The following MYO15B variants were observed in gnomAD, a reference collection of about 807,000 sequenced individuals.
The protein encoded by MYO15B is myosin XVB pseudogene.
In MYO15B, 207 loss-of-function variants were observed where a neutral mutation model predicts 119.3. The ratio of observed to expected loss-of-function variants is 1.73; its 90% CI spans 1.55 to 1.95. The LOEUF is 1.95. Among genes scored for constraint, MYO15B ranks in the 30% most tolerant of loss-of-function variants. The pLI is 0.00. For missense variants in MYO15B, 2,264 were observed against 1,203.1 expected (o/e 1.88, Z -13.04); for synonymous variants, 966 against 498.9 (o/e 1.94, Z -12.48).
intron 21 of MYO15B, among the ~76,000 whole-genome samples, chr17:75,608,165 C>A (rs1162312503): frequency 6.6e-6 from 1 of 152,154 alleles, no homozygotes; most frequent in East Asian, 1.9e-4. Flanking sequence ...GTCACCCAGG[C>A]TGGAGTGCAG....
At chr17:75,591,176 A>G (rs147655466) in exon 4 of MYO15B, 14,841 of 702,742 alleles carry the variant, frequency 0.021, 218 homozygotes, top group Middle Eastern at 0.058. Context: ...CCTCAGACAC[A>G]TCTTTGCCAT....
At chr17:75,622,745 A>T (rs930969456) in intron 53 of MYO15B, among the ~76,000 whole-genome samples, 25 of 152,222 alleles carry the variant, frequency 1.6e-4, no homozygotes, top group African/African-American at 4.6e-4. Context: ...GAGCCAGCAG[A>T]GTGTGCTGAC....
At chr17:75,593,717 C>CG (rs1376289437) in intron 9 of MYO15B, among the ~76,000 whole-genome samples, 1 of 149,682 alleles carries the variant, frequency 6.7e-6, no homozygotes, top group Non-Finnish European at 1.5e-5. Context: ...GTCAGGAGTT[C>CG]GAGACCAGCC....
chr17:75,615,638 G>A lies in MYO15B; in HGVS notation c.5838+38G>A, dbSNP rs539371061. 14 of 670,260 alleles carry A rather than the reference G, an allele frequency of 2.1e-5. 1 individual carries two copies. Among genetic ancestry groups the A allele is most frequent in the Admixed American group, 4.3e-5 (2 of 46,916 alleles). The allele number at this position is 670,260 out of a possible 1,614,324, so 41.5% of individuals were successfully genotyped here. A position where few individuals can be genotyped will look rare whatever the true frequency, so the allele number is the denominator to read the frequency against. On this transcript the variant is annotated intron_variant, in intron 35 of 63. Transcript: ENST00000645453. ...AGGGCCCTGGGGCCACCTGGTGGAG[G>A]AGAGGTCTGTGGCTCGGGGATGAGG... is the stretch of plus-strand genomic sequence containing the variant.
rs1385369630 is a variant in MYO15B at position 75,603,273 on chromosome 17, A to C, written c.3977A>C (p.Asn1326Thr). ...GAGGCCGTGGGCACCCGCAGTGCCA[A>C]CTTCCCCGTGCGTGTGCCCTTTGAG... The change falls in exon 19 of 64, where the codon AAC (asparagine) becomes ACC (threonine). Residue 1326 changes from asparagine (N) to threonine (T), a missense_variant. By Grantham distance (65) the Asn-to-Thr change is moderately conservative. Coordinates refer to ENST00000645453, the Ensembl canonical transcript of MYO15B. 5.7e-6 allele frequency: 4 copies of C among 703,062 alleles called. 1 individual carries two copies. Among genetic ancestry groups the C allele is most frequent in the Middle Eastern group, 2.3e-4 (1 of 4,370 alleles). 43.6% of individuals were successfully genotyped at this position (703,062 alleles called of 1,614,324 possible).
rs1392976572 is a variant in MYO15B, at chr17:75,589,879, A to T, written c.1822A>T (p.Thr608Ser). 5.0e-6 allele frequency: 2 copies of T among 398,426 alleles called. No homozygotes were observed. Among genetic ancestry groups the T allele is most frequent in the South Asian group, 1.3e-4 (1 of 7,874 alleles). 24.7% of individuals were successfully genotyped at this position (398,426 alleles called of 1,614,324 possible). A position where few individuals can be genotyped will look rare whatever the true frequency, so the allele number is the denominator to read the frequency against. The change falls in exon 1 of 64, where the codon ACT (threonine) becomes TCT (serine). Residue 608 changes from threonine (T) to serine (S), a missense_variant. By Grantham distance (58) the Thr-to-Ser change is moderately conservative. Coordinates refer to ENST00000645453, the Ensembl canonical transcript of MYO15B. The surrounding 1 kb of genome is among the most constrained non-coding windows in gnomAD (Gnocchi z 4.2). ...TCGTCGCGGCTCCCTCCTTGCCCCGACTGCACCCGACGGGCCTTCCCTCGA... is the reference window on the plus strand; with the variant it reads ...TCGTCGCGGCTCCCTCCTTGCCCCGTCTGCACCCGACGGGCCTTCCCTCGA...
At chr17:75,592,248 G>A (rs947340700) in exon 7 of MYO15B, 17 of 702,752 alleles carry the variant, frequency 2.4e-5, no homozygotes, top group East Asian at 2.4e-4. Flanking sequence ...AGGGGTCATC[G>A]TGGGAGCCTC....
intron 19 of MYO15B, among the ~76,000 whole-genome samples, chr17:75,604,985 A>G (rs971093609): frequency 1.5e-4 from 23 of 151,920 alleles, no homozygotes; most frequent in African/African-American, 5.6e-4. Context: ...TAAAAATACA[A>G]AATCAGCTGG....
intron 9 of MYO15B, among the ~76,000 whole-genome samples, chr17:75,594,143 G>GCA (rs1163914592): frequency 0.052 from 7,881 of 151,124 alleles, 682 homozygotes; most frequent in African/African-American, 0.18. Context: ...TATGTACCTG[G>GCA]GTACTGTGTA....
rs1466677891 is a variant in MYO15B at position 75,594,833 on chromosome 17, C to T, written c.3165-7C>T. The T allele has an allele frequency of 2.8e-6, 2 of 702,992 alleles. No individual in the cohort carries two copies. Among genetic ancestry groups the T allele is most frequent in the East Asian group, 5.4e-5 (2 of 37,292 alleles). 43.5% of individuals were successfully genotyped at this position (702,992 alleles called of 1,614,324 possible). ...CTATGTGGCTCACCCACCCGCCATG[C>T]CTACAGGGACGCCCTGGCCAAGGCA... is the stretch of plus-strand genomic sequence containing the variant. On this transcript the variant is annotated splice_polypyrimidine_tract_variant and splice_region_variant and intron_variant, in intron 11 of 63. Coordinates refer to ENST00000645453, the Ensembl canonical transcript of MYO15B.
exon 29 of MYO15B, chr17:75,613,738 C>T (rs1260593132): frequency 5.7e-6 from 4 of 702,400 alleles, no homozygotes; most frequent in South Asian, 4.4e-5. Context: ...GAGTCTTGGA[C>T]CACCGGGGAG....
intron 37 of MYO15B, 56 bp downstream of exon 37, chr17:75,616,203 C>CG: frequency 1.8e-6 from 1 of 571,394 alleles, no homozygotes; most frequent in Non-Finnish European, 3.1e-6. Flanking sequence ...GCCCCTGGCC[C>CG]GGGCCAGGGA....
chr17:75,618,984 C>T, intron 43 of MYO15B, 159 bp from the exon 44 acceptor site: 1 of 613,368 alleles, frequency 1.6e-6, no homozygotes, highest in Non-Finnish European at 2.9e-6. Flanking sequence ...CCCTCCATCC[C>T]TCCCTGCCCC....
intron 19 of MYO15B, among the ~76,000 whole-genome samples, 181 bp downstream of exon 19, chr17:75,603,493 A>G (rs1661697): frequency 0.5 from 76,526 of 151,620 alleles, 19,456 homozygotes; most frequent in South Asian, 0.62. Context: ...TCTCCATCTC[A>G]CTCTCTTCTA....
chr17:75,615,134 C>A, intron 33 of MYO15B, 92 bp downstream of exon 33: 2 of 677,564 alleles, frequency 3.0e-6, no homozygotes, highest in Non-Finnish European at 2.7e-6. Flanking sequence ...GCGATCGATG[C>A]CCTGGCCAGC....
chr17:75,603,520 C>T (rs1432232172), intron 19 of MYO15B, among the ~76,000 whole-genome samples: 1 of 152,230 alleles, frequency 6.6e-6, no homozygotes, highest in Non-Finnish European at 1.5e-5. Context: ...ACCATCCCTC[C>T]ACGCATTCGT....
chr17:75,609,716 C>G (rs186708170), intron 21 of MYO15B, among the ~76,000 whole-genome samples: 1 of 149,550 alleles, frequency 6.7e-6, no homozygotes, highest in African/African-American at 2.5e-5. Flanking sequence ...CCCTCCCTCC[C>G]TCCCTTCCTG....
intron 53 of MYO15B, among the ~76,000 whole-genome samples, chr17:75,622,496 A>C (rs1016670895): frequency 7.9e-5 from 12 of 152,190 alleles, no homozygotes; most frequent in Admixed American, 3.3e-4. Context: ...ACGGAGGATG[A>C]GGATGGGGAG....
chr17:75,621,346 C>T (rs1568223034), exon 51 of MYO15B: 1 of 699,726 alleles, frequency 1.4e-6, no homozygotes, highest in African/African-American at 1.7e-5. Context: ...CCCCCACAGG[C>T]TGGGCCAGAC....
Sources: allele counts gnomAD v4.1 joint callset (sites outside exome capture counted in the v4.1 genomes callset), GRCh38; gene constraint gnomAD v4.1.1; non-coding constraint Gnocchi (gnomAD v3.1); transcripts MANE v1.5; gene names NCBI Gene and HGNC (gene_info 2026-07-23, HGNC 2026-07-21).